The following OTUD4 variants were observed in gnomAD, a reference collection of about 807,000 sequenced individuals.
OTUD4 encodes the protein OTU deubiquitinase 4, also known as OTU domain-containing protein 4.
Under a neutral mutation model 130.4 loss-of-function variants are expected in OTUD4, and 24 were observed. The observed-to-expected ratio is 0.18, with a 90% CI of 0.13 to 0.26. The LOEUF (loss-of-function observed/expected upper bound fraction) is 0.26, where lower values mean the gene tolerates loss of function less well. OTUD4 is among the 10% of genes least tolerant of loss of function. The pLI, the probability that OTUD4 is intolerant of heterozygous loss-of-function variation, is 1.00. For missense variants in OTUD4, 1,031 were observed against 1,329.4 expected (o/e 0.78, Z 3.49); for synonymous variants, 420 against 472.5 (o/e 0.89, Z 1.44).
intron 13 of OTUD4, among the ~76,000 whole-genome samples, chr4:145,147,177 C>A (rs1411265780): frequency 6.6e-6 from 1 of 152,012 alleles, no homozygotes; most frequent in Non-Finnish European, 1.5e-5. Context: ...AATCTAAAAA[C>A]CTCTAAAAAA....
At chr4:145,152,128 CTTTT>C (rs1036616270) in intron 11 of OTUD4, among the ~76,000 whole-genome samples, 58 of 152,130 alleles carry the variant, frequency 3.8e-4, no homozygotes, top group African/African-American at 1.3e-3. Flanking sequence ...AATATACTTT[CTTTT>C]TGTTTTTTTA....
Position 145,180,036 on chromosome 4 carries a change from C to A in OTUD4, c.-63G>T, listed in dbSNP as rs986448999. 1.0e-5 allele frequency: 13 copies of A among 1,257,220 alleles called. No homozygotes were observed. Among genetic ancestry groups the A allele is most frequent in the African/African-American group, 1.6e-5 (1 of 62,722 alleles). The allele number at this position is 1,257,220 out of a possible 1,614,324, so 77.9% of individuals were successfully genotyped here. On this transcript the variant is annotated 5_prime_UTR_variant, in exon 1 of 21. Transcript: ENST00000447906. ...TAGCCCCACATGGCCAGGCCGCCGG[C>A]TGCTCGACGCCCCGGCCTGGGGCAG...
intron 13 of OTUD4, chr4:145,149,625 A>G (rs1374807508): frequency 2.0e-5 from 3 of 152,250 alleles, no homozygotes; most frequent in African/African-American, 7.2e-5. Context: ...ATCAACTGAG[A>G]TAACTCACGA....
chr4:145,170,242 G>A lies in OTUD4; in HGVS notation c.294+1428C>T, dbSNP rs1317077838. Among the ~76,000 whole-genome samples the A allele has an allele frequency of 6.6e-5, 10 of 152,124 alleles. No individual in the cohort carries two copies. In the East Asian group the frequency reaches 9.6e-4, roughly 15 times the overall value. ...CTACAGATCACACTTTGAGAAACAC[G>A]GGTCTAAAGCATAAGCTCCAAACCA... On this transcript the variant is annotated intron_variant, in intron 3 of 20. Coordinates refer to ENST00000447906, the MANE Select transcript of OTUD4 (RefSeq NM_001366057.1).
chr4:145,167,044 TACATCCTAAATTG>T (rs1389767247), intron 3 of OTUD4, among the ~76,000 whole-genome samples: 1 of 152,166 alleles, frequency 6.6e-6, no homozygotes, highest in African/African-American at 2.4e-5. Context: ...ATGGGGAGGA[TACATCCTAAATTG>T]ACAATAGAGA....
chr4:145,138,808 G>A (rs969335156), intron 20 of OTUD4, among the ~76,000 whole-genome samples, 158 bp from the exon 21 acceptor site: 8 of 152,134 alleles, frequency 5.3e-5, no homozygotes, highest in Non-Finnish European at 7.4e-5. Flanking sequence ...GATAACCAAC[G>A]TGAAAATGAA....
rs1301739638 is a variant in OTUD4, at chr4:145,133,998, AAC to A, written c.*3430_*3431del. 1 of 152,640 alleles carries A rather than the reference AAC, an allele frequency of 6.6e-6. No homozygotes were observed. The highest frequency in any genetic ancestry group is 3.2e-3 in the Middle Eastern group (1 of 316). 9.5% of individuals were successfully genotyped at this position (152,640 alleles called of 1,614,324 possible). Reference sequence around the variant, plus strand: ...CATACATAAAATTTTCTAGCTCTGTAACACAATGCAATTTTTAATCCATTCAA... The same window carrying A: ...CATACATAAAATTTTCTAGCTCTGTAACAATGCAATTTTTAATCCATTCAA... On this transcript the variant is annotated 3_prime_UTR_variant, in exon 21 of 21. Coordinates refer to ENST00000447906, the MANE Select transcript of OTUD4 (RefSeq NM_001366057.1).
At chr4:145,162,309 T>C (rs962081278) in intron 6 of OTUD4, among the ~76,000 whole-genome samples, 21 of 152,108 alleles carry the variant, frequency 1.4e-4, no homozygotes, top group South Asian at 6.2e-4. Context: ...ATCCCAGCAC[T>C]TTGGGAGGTC....
chr4:145,147,886 T>C (rs544603226), intron 13 of OTUD4, among the ~76,000 whole-genome samples: 1 of 152,330 alleles, frequency 6.6e-6, no homozygotes, highest in Admixed American at 6.5e-5. Context: ...AGCTATAAAA[T>C]TCTAAAATCT....
rs1403063799 is a variant in OTUD4 at position 145,152,583 on chromosome 4, T to C, written c.926A>G (p.His309Arg). The change falls in exon 11 of 21, where the codon CAT becomes CGT. Residue 309 changes from histidine to arginine, a missense_variant. Coordinates refer to ENST00000447906, the MANE Select transcript of OTUD4 (RefSeq NM_001366057.1). ...AACCAAAACTGGTCCATTCTCAGAA[T>C]GAATTCCTTGAACATCTGCATTCAA... is the stretch of plus-strand genomic sequence containing the variant. ...KFLNADVQGIHSENGPVLVEE... is the reference protein window; with the variant it reads ...KFLNADVQGIRSENGPVLVEE... 1 of 1,612,250 alleles carries C rather than the reference T, an allele frequency of 6.2e-7. No individual in the cohort carries two copies. The highest frequency in any genetic ancestry group is 8.5e-7 in the Non-Finnish European group (1 of 1,178,454).
At chr4:145,155,338 T>G in intron 10 of OTUD4, 73 bp downstream of exon 10, 2 of 1,119,682 alleles carry the variant, frequency 1.8e-6, no homozygotes, top group Non-Finnish European at 2.7e-6. Flanking sequence ...ACACCTCAGC[T>G]GTTTTCTCTG....
intron 9 of OTUD4, 33 bp downstream of exon 9, chr4:145,155,536 C>A: frequency 6.3e-7 from 1 of 1,597,826 alleles, no homozygotes; most frequent in Non-Finnish European, 8.5e-7. Flanking sequence ...TGCTACAAAG[C>A]AAATTTATGG....
At chr4:145,174,943 C>T (rs1327594270) in intron 1 of OTUD4, among the ~76,000 whole-genome samples, 199 bp from the exon 2 acceptor site, 1 of 152,206 alleles carries the variant, frequency 6.6e-6, no homozygotes, top group African/African-American at 2.4e-5. Flanking sequence ...CATATACAAA[C>T]AATACTACTT....
intron 1 of OTUD4, among the ~76,000 whole-genome samples, chr4:145,179,239 C>T (rs2126819079): frequency 6.6e-6 from 1 of 152,236 alleles, no homozygotes; most frequent in African/African-American, 2.4e-5. Context: ...AAGGGTGGAA[C>T]CTACTCAAGA....
In OTUD4 at chr4:145,150,695, C is replaced by T; in HGVS notation, c.1077G>A (p.Val359=). The change falls in exon 13 of 21, where the codon GTG becomes GTA. Residue 359 remains valine, a synonymous_variant. Transcript: ENST00000447906. ...TTGGATTCTTTGGCCCTCTGTAATCCACATCTGTTGTAAGAACCCAAAAGT... is the reference window on the plus strand; with the variant it reads ...TTGGATTCTTTGGCCCTCTGTAATCTACATCTGTTGTAAGAACCCAAAAGT... ...STSGQNFHSD[V]DYRGPKNPSK... is the part of the protein sequence containing the mutation. 6.2e-7 allele frequency: 1 copy of T among 1,607,146 alleles called. No individual in the cohort carries two copies. Among genetic ancestry groups the T allele is most frequent in the African/African-American group, 1.3e-5 (1 of 74,890 alleles).
Position 145,142,311 on chromosome 4 carries a change from C to T in OTUD4, c.1707G>A (p.Leu569=), listed in dbSNP as rs570662194. Reference sequence around the variant, plus strand: ...AAACTAGAAGGGGAGCTGGATTTGACAAAGACACATGTTCTGCTGGCTTCT... The same window carrying T: ...AAACTAGAAGGGGAGCTGGATTTGATAAAGACACATGTTCTGCTGGCTTCT... ...AEQKPAEHVS[L]SNPAPLLVSP... The change falls in exon 18 of 21, where the codon TTG becomes TTA. Residue 569 remains leucine (L), a synonymous_variant. Transcript: ENST00000447906. 1 of 1,613,942 alleles carries T rather than the reference C, an allele frequency of 6.2e-7. No individual in the cohort carries two copies. Among genetic ancestry groups the T allele is most frequent in the South Asian group, 1.1e-5 (1 of 91,060 alleles).
intron 17 of OTUD4, among the ~76,000 whole-genome samples, chr4:145,142,808 A>G (rs938005570): frequency 6.6e-6 from 1 of 152,240 alleles, no homozygotes; most frequent in Non-Finnish European, 1.5e-5. Context: ...TACCAATATG[A>G]AGAATGTTGG....
Position 145,180,224 on chromosome 4 carries a change from G to A in OTUD4, c.-251C>T, listed in dbSNP as rs963305627. The A allele has an allele frequency of 6.1e-6, 1 of 162,606 alleles. No homozygotes were observed. Among genetic ancestry groups the A allele is most frequent in the African/African-American group, 2.4e-5 (1 of 41,618 alleles). 10.1% of individuals were successfully genotyped at this position (162,606 alleles called of 1,614,324 possible). ...GCGAACACGCGCCCACGACAAACGG[G>A]GGGAGCGGGATTAAGGAAAACCCCG... is the stretch of plus-strand genomic sequence containing the variant. On this transcript the variant is annotated 5_prime_UTR_variant, in exon 1 of 21. Coordinates refer to ENST00000447906, the MANE Select transcript of OTUD4 (RefSeq NM_001366057.1).
intron 1 of OTUD4, among the ~76,000 whole-genome samples, chr4:145,177,473 T>C (rs964828205): frequency 2.6e-5 from 4 of 152,240 alleles, no homozygotes; most frequent in African/African-American, 9.6e-5. Context: ...TGTAAATTAT[T>C]GTGCAAGGTT....
Sources: allele counts gnomAD v4.1 joint callset (sites outside exome capture counted in the v4.1 genomes callset), GRCh38; gene constraint gnomAD v4.1.1; transcripts MANE v1.5; gene names NCBI Gene and HGNC (gene_info 2026-07-23, HGNC 2026-07-21).